NAALAD2: variants seen among roughly 807,000 people sequenced by gnomAD.
NAALAD2 encodes N-acetylated alpha-linked acidic dipeptidase 2.
A neutral mutation model predicts 95.6 loss-of-function variants in NAALAD2; 89 were observed. That is an observed-to-expected ratio of 0.93 (90% CI 0.78 to 1.11). The LOEUF is 1.11. Among genes scored for constraint, NAALAD2 ranks in the 50% least tolerant of loss-of-function variants. The pLI is 0.00. For synonymous variants in NAALAD2, 264 were observed against 294.4 expected (o/e 0.90, Z 1.06); for missense variants, 894 against 872.4 (o/e 1.02, Z -0.31).
At chr11:90,133,942 G>T (rs777065764), upstream of NAALAD2, among the ~76,000 whole-genome samples, 21 of 152,150 alleles carry the variant, frequency 1.4e-4, no homozygotes, top group Non-Finnish European at 2.8e-4. Context: ...AGGATTGAGA[G>T]AGAGGAGCTG....
At position 90,173,743 on chromosome 11, in the gene NAALAD2, G is replaced by T; in HGVS notation, c.1411-81G>T. The T allele has an allele frequency of 3.3e-6, 3 of 921,872 alleles. No individual in the cohort carries two copies. The South Asian group carries it at 4.8e-5, about 15-fold the overall frequency. The allele number at this position is 921,872 out of a possible 1,614,324, so 57.1% of individuals were successfully genotyped here. A position where few individuals can be genotyped will look rare whatever the true frequency, so the allele number is the denominator to read the frequency against. ...TATGTTATTAAAAGTAGAAGTTGAT[G>T]ACAAATAATATATAGTTTTATTTTG... On this transcript the variant is annotated intron_variant, in intron 13 of 18. Coordinates refer to ENST00000534061, the MANE Select transcript of NAALAD2 (RefSeq NM_005467.4).
At chr11:90,167,753 C>T (rs1295967436) in intron 11 of NAALAD2, among the ~76,000 whole-genome samples, 1 of 152,186 alleles carries the variant, frequency 6.6e-6, no homozygotes, top group Non-Finnish European at 1.5e-5. Flanking sequence ...CCAATCCACA[C>T]TCTATATCTA....
intron 18 of NAALAD2, among the ~76,000 whole-genome samples, chr11:90,186,790 C>G (rs1432204751): frequency 1.4e-5 from 2 of 145,066 alleles, no homozygotes; most frequent in African/African-American, 5.1e-5. Context: ...TCCAAAACAC[C>G]AAAAGCAATG....
intron 16 of NAALAD2, among the ~76,000 whole-genome samples, chr11:90,180,630 G>A (rs1156366010): frequency 6.6e-6 from 1 of 151,932 alleles, no homozygotes; most frequent in Non-Finnish European, 1.5e-5. Flanking sequence ...CGTATCTCCT[G>A]ATTTGCTTGC....
intron 13 of NAALAD2, among the ~76,000 whole-genome samples, chr11:90,173,188 C>T (rs529151297): frequency 1.9e-4 from 28 of 151,094 alleles, no homozygotes; most frequent in Admixed American, 3.3e-4. Context: ...TATATATATA[C>T]ACACACACAC....
At chr11:90,169,781 C>T in intron 12 of NAALAD2, 1 of 338,220 alleles carries the variant, frequency 3.0e-6, no homozygotes, top group Non-Finnish European at 5.4e-6. Context: ...CTTCCTTTGC[C>T]AAAGTGCCCC....
chr11:90,143,266 GA>G (rs1295114014), intron 2 of NAALAD2, among the ~76,000 whole-genome samples: 1 of 152,046 alleles, frequency 6.6e-6, no homozygotes, highest in Non-Finnish European at 1.5e-5. Flanking sequence ...CTGTAATGTG[GA>G]GTCTGATGGT....
rs1951414093 is a variant in NAALAD2, at chr11:90,134,819, T to C, written c.61T>C (p.Phe21Leu). The C allele has an allele frequency of 1.2e-6, 2 of 1,614,058 alleles. No homozygotes were observed. Among genetic ancestry groups the C allele is most frequent in the South Asian group, 2.2e-5 (2 of 91,088 alleles). ...GTGCTTGGCTGCTGCGCTGGCATCT[T>C]TCCTGATGGGATTTATGGTGGGTAA... The part of the protein sequence containing the change: ...WMCLAAALAS[F>L]LMGFMVGWFI... The change falls in exon 1 of 19, where the codon TTC becomes CTC. Residue 21 changes from phenylalanine (F) to leucine (L), a missense_variant. Transcript: ENST00000534061.
chr11:90,183,971 C>G (rs146598333), intron 18 of NAALAD2, among the ~76,000 whole-genome samples: 1 of 152,056 alleles, frequency 6.6e-6, no homozygotes, highest in African/African-American at 2.4e-5. Context: ...GGCTGCATCC[C>G]TTTGGATGTT....
chr11:90,175,369 A>G (rs1452821488), intron 14 of NAALAD2, among the ~76,000 whole-genome samples: 1 of 152,220 alleles, frequency 6.6e-6, no homozygotes, highest in Admixed American at 6.5e-5. Context: ...ATGCAATTTT[A>G]TATTCTGCTT....
Position 90,191,542 on chromosome 11 carries a change from G to C in NAALAD2, c.2034-16G>C. On this transcript the variant is annotated splice_polypyrimidine_tract_variant and intron_variant, in intron 18 of 18. Transcript: ENST00000534061. ...TATACACTTTAGTTCAATTTGCCTT[G>C]TTTTCTTCCTTTTAGGCACATCATA... is the stretch of plus-strand genomic sequence containing the variant. 6.5e-7 allele frequency: 1 copy of C among 1,531,778 alleles called. No homozygotes were observed. The highest frequency in any genetic ancestry group is 8.8e-7 in the Non-Finnish European group (1 of 1,141,172). 94.9% of individuals were successfully genotyped at this position (1,531,778 alleles called of 1,614,324 possible).
chr11:90,155,043 G>GTA (rs1408065856), intron 6 of NAALAD2, among the ~76,000 whole-genome samples: 2 of 123,092 alleles, frequency 1.6e-5, no homozygotes, highest in South Asian at 2.3e-4. Context: ...ATATATGTGT[G>GTA]TATATATTAT....
At chr11:90,174,468 A>G (rs1214040921) in intron 14 of NAALAD2, among the ~76,000 whole-genome samples, 1 of 152,188 alleles carries the variant, frequency 6.6e-6, no homozygotes, top group East Asian at 1.9e-4. Flanking sequence ...TCGCTACATT[A>G]TTAGCCATTA....
At position 90,180,994 on chromosome 11, in the gene NAALAD2, T is replaced by C. The variant is rs540079538; in HGVS notation, c.1859-626T>C. ...AACAGGCAAATACTATGCCATTTTATATAAGGGAGTTGCTTCCATGGAATA... is the reference window on the plus strand; with the variant it reads ...AACAGGCAAATACTATGCCATTTTACATAAGGGAGTTGCTTCCATGGAATA... On this transcript the variant is annotated intron_variant, in intron 16 of 18. Transcript: ENST00000534061. Among the ~76,000 whole-genome samples, 15 of 152,196 alleles carry C rather than the reference T, an allele frequency of 9.9e-5. No individual in the cohort carries two copies. The South Asian group carries it at 2.7e-3, about 27-fold the overall frequency.
intron 15 of NAALAD2, among the ~76,000 whole-genome samples, chr11:90,177,586 G>GTTTTGTT (rs1952833043): frequency 3.5e-5 from 1 of 28,456 alleles, no homozygotes; most frequent in African/African-American, 1.4e-4. Context: ...TCTTTTTCTT[G>GTTTTGTT]TTTTTTTTTT....
rs935082268 is a variant in NAALAD2, at chr11:90,134,677, C to T, written c.-82C>T. On this transcript the variant is annotated 5_prime_UTR_variant, in exon 1 of 19. Transcript: ENST00000534061. ...GGAGGCCACCCAGAGCTCACAGCCT[C>T]CTGCCAGCGCGCTCTCTGTTTCTCT... 5.0e-6 allele frequency: 7 copies of T among 1,407,334 alleles called. No homozygotes were observed. In the African/African-American group the frequency reaches 5.7e-5, roughly 11 times the overall value. 87.2% of individuals were successfully genotyped at this position (1,407,334 alleles called of 1,614,324 possible).
At chr11:90,189,791 C>T (rs1297521687) in intron 18 of NAALAD2, among the ~76,000 whole-genome samples, 12 of 151,666 alleles carry the variant, frequency 7.9e-5, no homozygotes, top group Admixed American at 2.6e-4. Flanking sequence ...AGAAATTTTG[C>T]ATTATCACAA....
chr11:90,178,171 A>G (rs2134973309), intron 16 of NAALAD2, 54 bp downstream of exon 16: 1 of 1,506,002 alleles, frequency 6.6e-7, no homozygotes, highest in Non-Finnish European at 9.0e-7. Context: ...GCTTTAAGAT[A>G]TTATCTCCTA....
chr11:90,147,317 A>C lies in NAALAD2; in HGVS notation c.195-13A>C. On this transcript the variant is annotated splice_polypyrimidine_tract_variant and intron_variant, in intron 2 of 18. Coordinates refer to ENST00000534061, the MANE Select transcript of NAALAD2 (RefSeq NM_005467.4). ...AGTCTTTAATGCCCTCTTATGTTTTATTTTCATTTTAGTTCTTTTACAAAG... is the reference window on the plus strand; with the variant it reads ...AGTCTTTAATGCCCTCTTATGTTTTCTTTTCATTTTAGTTCTTTTACAAAG... 2 of 1,605,474 alleles carry C rather than the reference A, an allele frequency of 1.2e-6. No homozygotes were observed. The highest frequency in any genetic ancestry group is 2.2e-5 in the East Asian group (1 of 44,800).
Sources: allele counts gnomAD v4.1 joint callset (sites outside exome capture counted in the v4.1 genomes callset), GRCh38; gene constraint gnomAD v4.1.1; transcripts MANE v1.5; gene names NCBI Gene and HGNC (gene_info 2026-07-23, HGNC 2026-07-21).